MPND: variants seen among roughly 807,000 people sequenced by gnomAD.
The protein encoded by MPND is MPN domain-containing protein.
A neutral mutation model predicts 59.2 loss-of-function variants in MPND; 56 were observed. That is an observed-to-expected ratio of 0.95 (90% confidence interval 0.76 to 1.18). MPND has a LOEUF of 1.18. Among genes scored for constraint, MPND ranks in the 50% most tolerant of loss-of-function variants. MPND has a pLI of 0.00. For synonymous variants in MPND, 323 were observed against 291.9 expected, an observed-to-expected ratio of 1.11 and a Z score of -1.09; for missense variants, 671 against 676.0, an observed-to-expected ratio of 0.99 and a Z score of 0.08.
In MPND at chr19:4,354,028, G is replaced by T. The variant is rs1190460222; in HGVS notation, c.665-17G>T. ...CTTGGGCTGGGGAGGGACTGACCCTGCCTTTTTCTCTCCCAGAGGCCACAA... is the reference window on the plus strand; with the variant it reads ...CTTGGGCTGGGGAGGGACTGACCCTTCCTTTTTCTCTCCCAGAGGCCACAA... On this transcript the variant is annotated splice_polypyrimidine_tract_variant and intron_variant, in intron 4 of 12. Coordinates refer to ENST00000599840, the MANE Select transcript of MPND (RefSeq NM_001300862.2). 6 of 1,608,688 alleles carry T rather than the reference G, an allele frequency of 3.7e-6. No homozygotes were observed. The highest frequency in any genetic ancestry group is 1.3e-5 in the African/African-American group (1 of 74,930).
intron 4 of MPND, among the ~76,000 whole-genome samples, chr19:4,353,435 CTT>C (rs906347964): frequency 2.0e-5 from 3 of 152,022 alleles, no homozygotes; most frequent in Non-Finnish European, 4.4e-5. Flanking sequence ...GCCTGGCTAA[CTT>C]TTGTATTTTT....
At chr19:4,349,360 G>A (rs936453285) in intron 3 of MPND, among the ~76,000 whole-genome samples, 1 of 152,312 alleles carries the variant, frequency 6.6e-6, no homozygotes, top group African/African-American at 2.4e-5. Flanking sequence ...ACAGGCATGA[G>A]CCACCGCAGC....
In MPND at chr19:4,344,319, C is replaced by T. The variant is rs890082083; in HGVS notation, c.294+325C>T. On this transcript the variant is annotated intron_variant, in intron 2 of 12. Coordinates refer to ENST00000599840, the MANE Select transcript of MPND (RefSeq NM_001300862.2). Reference sequence around the variant, plus strand: ...AGAGCCCCGGTGTGAGGAAGGGAGACTGAGGCCTGGAGAGCTCCCTTGCTT... The same window carrying T: ...AGAGCCCCGGTGTGAGGAAGGGAGATTGAGGCCTGGAGAGCTCCCTTGCTT... 3.6e-4 allele frequency among the ~76,000 whole-genome samples: 54 copies of T among 149,312 alleles called. 1 individual carries two copies. Among genetic ancestry groups the T allele is most frequent in the African/African-American group, 1.3e-3 (54 of 40,328 alleles).
intron 10 of MPND, chr19:4,357,840 C>A: frequency 1.6e-6 from 1 of 607,436 alleles, no homozygotes. Context: ...ATTCCCCAAT[C>A]CTGCCCTGAA....
Position 4,359,402 on chromosome 19 carries a change from C to G in MPND, c.1419+147C>G, listed in dbSNP as rs75341105. The G allele has an allele frequency of 5.5e-4, 336 of 616,230 alleles. 3 individuals carry two copies. In the East Asian group the frequency reaches 8.6e-3, roughly 16 times the overall value. The allele number at this position is 616,230 out of a possible 1,614,324, so 38.2% of individuals were successfully genotyped here. ...ACTGGTGACCCTGGTCACCCCGTGGCCACCCCAGCAGGGTGCAGGCCAGAT... is the reference window on the plus strand; with the variant it reads ...ACTGGTGACCCTGGTCACCCCGTGGGCACCCCAGCAGGGTGCAGGCCAGAT... On this transcript the variant is annotated intron_variant, in intron 12 of 12. Transcript: ENST00000599840.
At position 4,357,894 on chromosome 19, in the gene MPND, CCT is replaced by C. The variant is rs1599579139; in HGVS notation, c.1237-186_1237-185del. 3 of 616,882 alleles carry C rather than the reference CCT, an allele frequency of 4.9e-6. No homozygotes were observed. The East Asian group carries it at 8.2e-5, about 17-fold the overall frequency. The allele number at this position is 616,882 out of a possible 1,614,324, so 38.2% of individuals were successfully genotyped here. ...GAAGTCATTTCAGGGCCCTGGCTCT[CCT>C]CTGGGCCTCTCCCACAGTAAGGATG... On this transcript the variant is annotated intron_variant, in intron 10 of 12. Transcript: ENST00000599840.
intron 2 of MPND, among the ~76,000 whole-genome samples, chr19:4,344,595 AC>A (rs1336801584): frequency 6.6e-6 from 1 of 151,906 alleles, no homozygotes; most frequent in African/African-American, 2.4e-5. Context: ...GATGGGCAAC[AC>A]CCCGGCCTTC....
chr19:4,354,622 T>C, intron 6 of MPND: 1 of 602,858 alleles, frequency 1.7e-6, no homozygotes, highest in Non-Finnish European at 2.9e-6. Context: ...ATCCCAGCAC[T>C]TTGGGAAGCT....
chr19:4,347,172 C>T (rs4806980), intron 3 of MPND: 5 of 150,718 alleles, frequency 3.3e-5, no homozygotes, highest in Admixed American at 6.6e-5. Flanking sequence ...TTGCTGTTAT[C>T]GCCTTCAACT....
rs1005561013 is a variant in MPND, at chr19:4,357,633, C to T, written c.1236+48C>T. ...CCTGGGGGGCCCGGGAGCACTGGGG[C>T]ATTTGGGTCACGACTAGGCAGGGGC... On this transcript the variant is annotated intron_variant, in intron 10 of 12. Transcript: ENST00000599840. 6.4e-6 allele frequency: 10 copies of T among 1,556,640 alleles called. No homozygotes were observed. In the African/African-American group the frequency reaches 1.1e-4, roughly 17 times the overall value.
intron 6 of MPND, 61 bp from the exon 7 acceptor site, chr19:4,354,888 C>A (rs1599575379): frequency 1.3e-6 from 2 of 1,483,824 alleles, no homozygotes; most frequent in Non-Finnish European, 1.8e-6. Flanking sequence ...CACAGGCTGG[C>A]TCCAGTGTTG....
chr19:4,345,791 G>A lies in MPND; in HGVS notation c.341G>A (p.Trp114Ter). The change falls in exon 3 of 13, where the codon TGG becomes TAG. Residue 114 changes from tryptophan (W) to a stop codon, truncating the protein, a stop_gained. Transcript: ENST00000599840. LOFTEE classifies it high-confidence loss of function. ...GDLQPDGRIMWQETGQTFNSP... is the reference protein window; with the variant it reads ...GDLQPDGRIM ...CTGCAGCCAGACGGAAGGATCATGT[G>A]GCAGGAGACCGGGCAGACCTTCAAC... The A allele has an allele frequency of 6.2e-7, 1 of 1,613,992 alleles. No homozygotes were observed. Among genetic ancestry groups the A allele is most frequent in the Non-Finnish European group, 8.5e-7 (1 of 1,180,024 alleles).
In MPND at chr19:4,343,892, C is replaced by T. The variant is rs989761540; in HGVS notation, c.192C>T (p.Gly64=). 4 of 1,242,462 alleles carry T rather than the reference C, an allele frequency of 3.2e-6. No homozygotes were observed. The highest frequency in any genetic ancestry group is 4.0e-6 in the Non-Finnish European group (4 of 998,186). 77.0% of individuals were successfully genotyped at this position (1,242,462 alleles called of 1,614,324 possible). ...GCGGGGCCGGGGCGGGGGGCTGCGGCGGGCCCGGGGGCGCGCTCACCAGGC... is the reference window on the plus strand; with the variant it reads ...GCGGGGCCGGGGCGGGGGGCTGCGGTGGGCCCGGGGGCGCGCTCACCAGGC... ...GGGGAGAGGC[G]GPGGALTRRA... is the part of the protein sequence containing the mutation. The change falls in exon 2 of 13, where the codon GGC becomes GGT. Residue 64 remains glycine (G), a synonymous_variant. Coordinates refer to ENST00000599840, the MANE Select transcript of MPND (RefSeq NM_001300862.2).
chr19:4,359,308 T>C (rs1599581522), intron 12 of MPND, 53 bp downstream of exon 12: 3 of 1,375,474 alleles, frequency 2.2e-6, no homozygotes, highest in East Asian at 4.6e-5. Context: ...AGAGGCCCCC[T>C]GGGCAGCCTA....
chr19:4,349,874 G>A (rs777014109), intron 3 of MPND, among the ~76,000 whole-genome samples: 1 of 152,158 alleles, frequency 6.6e-6, no homozygotes, highest in Non-Finnish European at 1.5e-5. Context: ...TGTAACAAAT[G>A]CCATCGCAGT....
chr19:4,348,332 C>T (rs1416755248), intron 3 of MPND: 2 of 140,322 alleles, frequency 1.4e-5, no homozygotes, highest in Non-Finnish European at 3.0e-5. Flanking sequence ...ACAATCTAGG[C>T]TCACTGCAAC....
At chr19:4,356,485 C>CA (rs2144836720) in intron 8 of MPND, among the ~76,000 whole-genome samples, 1 of 152,266 alleles carries the variant, frequency 6.6e-6, no homozygotes, top group East Asian at 1.9e-4. Context: ...GTTGAGGCTT[C>CA]AGTGAGCTGA....
chr19:4,343,852 G>A lies in MPND; in HGVS notation c.152G>A (p.Gly51Glu). ...GGCGGCGGCGGCAGTAGCGTCAGCG[G>A]AGGAGGCGGCGGCGGCGGGGCCGGG... ...RSGGGGSSVS[G>E]GGGGGGAGAG... Residue 51 changes from glycine (G) to glutamate (E), a missense_variant, in exon 2 of 13, where the codon GGA becomes GAA. Gly to Glu is a moderately conservative substitution (Grantham distance 98). Coordinates refer to ENST00000599840, the MANE Select transcript of MPND (RefSeq NM_001300862.2). 1 of 1,215,586 alleles carries A rather than the reference G, an allele frequency of 8.2e-7. No homozygotes were observed. Among genetic ancestry groups the A allele is most frequent in the Non-Finnish European group, 1.0e-6 (1 of 980,676 alleles). The allele number at this position is 1,215,586 out of a possible 1,614,324, so 75.3% of individuals were successfully genotyped here. A position where few individuals can be genotyped will look rare whatever the true frequency, so the allele number is the denominator to read the frequency against.
At chr19:4,347,521 G>T (rs1382744911) in intron 3 of MPND, among the ~76,000 whole-genome samples, 3 of 152,086 alleles carry the variant, frequency 2.0e-5, no homozygotes, top group Non-Finnish European at 4.4e-5. Context: ...TTACAAGTGT[G>T]AGCCACCGCG....
Sources: gnomAD v4.1 joint callset for allele counts (sites outside exome capture counted in the v4.1 genomes callset) on GRCh38, gnomAD v4.1.1 for gene constraint, MANE v1.5 for transcripts, NCBI Gene and HGNC (gene_info 2026-07-23, HGNC 2026-07-21) for gene names.